Variants in BRCA2 observed in about 807,000 individuals in gnomAD.
BRCA2 encodes the protein BRCA2 DNA repair associated, also known as breast cancer type 2 susceptibility protein.
BRCA2 carries 203 observed loss-of-function variants against 276.7 expected under a neutral mutation model. The observed-to-expected ratio is 0.73, with a 90% CI of 0.65 to 0.82. BRCA2 has a LOEUF of 0.82. Among genes scored for constraint, BRCA2 ranks in the 40% least tolerant of loss-of-function variants. The pLI, the probability that BRCA2 is intolerant of heterozygous loss-of-function variation, is 0.00. For missense variants in BRCA2, 3,920 were observed against 3,915.0 expected, an observed-to-expected ratio of 1.00 and a Z score of -0.03; for synonymous variants, 1,289 against 1,338.4, an observed-to-expected ratio of 0.96 and a Z score of 0.81.
At chr13:32,324,391 G>C (rs2072328892) in intron 3 of BRCA2, among the ~76,000 whole-genome samples, 1 of 152,150 alleles carries the variant, frequency 6.6e-6, no homozygotes, top group African/African-American at 2.4e-5. Context: ...TGGGTAAAAA[G>C]TAGACTGTAA....
rs28897724 is a variant in BRCA2, at chr13:32,338,423, G to T, written c.4068G>T (p.Leu1356Phe). The T allele has an allele frequency of 6.2e-7, 1 of 1,608,236 alleles. No individual in the cohort carries two copies. Among genetic ancestry groups the T allele is most frequent in the Non-Finnish European group, 8.5e-7 (1 of 1,178,190 alleles). Residue 1356 changes from leucine (L) to phenylalanine (F), a missense_variant, in exon 11 of 27, where the codon TTG becomes TTT. Transcript: ENST00000380152. Reference sequence around the variant, plus strand: ...GTATTCATAAAGATGAAACGGACTTGCTATTTACTGATCAGCACAACATAT... The same window carrying T: ...GTATTCATAAAGATGAAACGGACTTTCTATTTACTGATCAGCACAACATAT... ...TVCIHKDETDLLFTDQHNICL... is the reference protein window; with the variant it reads ...TVCIHKDETDFLFTDQHNICL...
In BRCA2 at chr13:32,326,058, G is replaced by GT. The variant is rs1209765916; in HGVS notation, c.426-37dup. The GT allele has an allele frequency of 5.0e-5, 78 of 1,556,602 alleles. No homozygotes were observed. The highest frequency in any genetic ancestry group is 6.8e-5 in the Non-Finnish European group (77 of 1,140,248). On this transcript the variant is annotated intron_variant, in intron 4 of 26. Coordinates refer to ENST00000380152, the MANE Select transcript of BRCA2 (RefSeq NM_000059.4). ...AAATAAGATAAACTAGTTTTTGCCAGTTTTTTAAAATAACCTAAGGGATTT... is the reference window on the plus strand; with the variant it reads ...AAATAAGATAAACTAGTTTTTGCCAGTTTTTTTAAAATAACCTAAGGGATTT...
rs397507419 is a variant in BRCA2 at position 32,379,885 on chromosome 13, C to CA, written c.9097dup (p.Thr3033AsnfsTer11). Reference sequence around the variant, plus strand: ...AGAGCTAACATACAGTTAGCAGCGACAAAAAAAACTCAGTATCAACAACTA... The same window carrying CA: ...AGAGCTAACATACAGTTAGCAGCGACAAAAAAAAACTCAGTATCAACAACTA... On this transcript the variant is annotated frameshift_variant, in exon 23 of 27. Transcript: ENST00000380152. LOFTEE classifies it high-confidence loss of function. 10 of 1,612,818 alleles carry CA rather than the reference C, an allele frequency of 6.2e-6. No individual in the cohort carries two copies. The highest frequency in any genetic ancestry group is 6.8e-6 in the Non-Finnish European group (8 of 1,179,416).
intron 7 of BRCA2, among the ~76,000 whole-genome samples, chr13:32,328,485 G>A (rs574427916): frequency 2.6e-5 from 4 of 151,962 alleles, no homozygotes; most frequent in African/African-American, 9.6e-5. Flanking sequence ...CAAGTGATTC[G>A]TTTGTCTCAG....
intron 21 of BRCA2, among the ~76,000 whole-genome samples, chr13:32,377,212 A>G (rs998040984): frequency 5.3e-5 from 8 of 152,196 alleles, no homozygotes; most frequent in Non-Finnish European, 7.3e-5. Context: ...GTACTTGGGT[A>G]GAAATGTTTC....
chr13:32,336,121 C>A, intron 10 of BRCA2, 144 bp from the exon 11 acceptor site: 1 of 864,456 alleles, frequency 1.2e-6, no homozygotes, highest in Non-Finnish European at 1.8e-6. Context: ...CTCAAGCAGT[C>A]TTCCTGCCTC....
At chr13:32,395,960 CTTT>C (rs397838402) in intron 25 of BRCA2, 492 of 78,716 alleles carry the variant, frequency 6.3e-3, no homozygotes, top group South Asian at 0.012. Flanking sequence ...TTCTTTCTTT[CTTT>C]TTTTTTTTTT....
At position 32,336,332 on chromosome 13, in the gene BRCA2, A is replaced by T. The variant is rs1555282381; in HGVS notation, c.1977A>T (p.Leu659Phe). The T allele has an allele frequency of 6.2e-7, 1 of 1,605,270 alleles. No homozygotes were observed. The highest frequency in any genetic ancestry group is 8.5e-7 in the Non-Finnish European group (1 of 1,176,028). Residue 659 changes from leucine (L) to phenylalanine (F), a missense_variant, in exon 11 of 27, where the codon TTA becomes TTT. Transcript: ENST00000380152. ...ATTCTGAAGAACCAACTTTGTCCTT[A>T]ACTAGCTCTTTTGGGACAATTCTGA... Reference protein sequence around the residue: ...QNDSEEPTLSLTSSFGTILRK... With the variant: ...QNDSEEPTLSFTSSFGTILRK...
intron 14 of BRCA2, among the ~76,000 whole-genome samples, chr13:32,355,646 G>A (rs193020640): frequency 2.6e-3 from 394 of 152,166 alleles, no homozygotes; most frequent in Non-Finnish European, 4.6e-3. Flanking sequence ...CGGATCACCT[G>A]AGGTCAGGAG....
rs201483108 is a variant in BRCA2, at chr13:32,363,217, T to C, written c.8015T>C (p.Ile2672Thr). 6.2e-7 allele frequency: 1 copy of C among 1,613,942 alleles called. No individual in the cohort carries two copies. The highest frequency in any genetic ancestry group is 1.3e-5 in the African/African-American group (1 of 75,030). ...TEIDRSRRSA[I>T]KKIMERDDTA... ...ATTGATAGAAGCAGAAGATCGGCTA[T>C]AAAAAAGATAATGGAAAGGGATGAC... The change falls in exon 18 of 27, where the codon ATA becomes ACA. Residue 2672 changes from isoleucine to threonine, a missense_variant. Physicochemically the swap from Ile to Thr is moderately conservative, Grantham distance 89. Transcript: ENST00000380152.
chr13:32,350,722 CA>C (rs2137547511), intron 13 of BRCA2, among the ~76,000 whole-genome samples: 1 of 151,718 alleles, frequency 6.6e-6, no homozygotes, highest in South Asian at 2.1e-4. Context: ...CACTGCACTC[CA>C]GCCTGGGCGA....
intron 11 of BRCA2, among the ~76,000 whole-genome samples, chr13:32,341,625 G>A (rs533866598): frequency 2.8e-4 from 42 of 152,244 alleles, no homozygotes; most frequent in African/African-American, 9.1e-4. Context: ...GTTGGTTTCC[G>A]GGAGGCCGAG....
Position 32,316,836 on chromosome 13 carries a change from T to C in BRCA2, c.67+309T>C, listed in dbSNP as rs2072265439. Among the ~76,000 whole-genome samples, 3 of 152,226 alleles carry C rather than the reference T, an allele frequency of 2.0e-5. No homozygotes were observed. The South Asian group carries it at 6.2e-4, about 31-fold the overall frequency. On this transcript the variant is annotated intron_variant, in intron 2 of 26. Transcript: ENST00000380152. ...TTTTTGGTTTCAGTACTCCTTATAC[T>C]CTTAAAAATGATCTAGGACCCCCGG...
chr13:32,326,139 G>T lies in BRCA2; in HGVS notation c.464G>T (p.Arg155Ile), dbSNP rs377639990. ...CAATGTACACATGTAACACCACAAA[G>T]AGATAAGTCAGGTATGATTAAAAAC... ...VLQCTHVTPQ[R>I]DKSVVCGSLF... is the part of the protein sequence containing the mutation. Residue 155 changes from arginine (R) to isoleucine (I), a missense_variant, in exon 5 of 27, where the codon AGA (arginine) becomes ATA (isoleucine). By Grantham distance (97) the Arg-to-Ile change is moderately conservative. Transcript: ENST00000380152. 2.5e-6 allele frequency: 4 copies of T among 1,609,366 alleles called. No individual in the cohort carries two copies. The highest frequency in any genetic ancestry group is 3.4e-6 in the Non-Finnish European group (4 of 1,176,888).
chr13:32,364,869 C>T (rs2137585344), intron 18 of BRCA2, among the ~76,000 whole-genome samples: 1 of 152,214 alleles, frequency 6.6e-6, no homozygotes. Flanking sequence ...TTATTCTTAC[C>T]TCTTTTCTGT....
chr13:32,351,670 T>C (rs1455992250), intron 13 of BRCA2, among the ~76,000 whole-genome samples: 1 of 152,180 alleles, frequency 6.6e-6, no homozygotes, highest in Non-Finnish European at 1.5e-5. Context: ...AACATGTCAC[T>C]TAGACATATA....
intron 11 of BRCA2, among the ~76,000 whole-genome samples, chr13:32,342,270 CAAAAA>C (rs58295304): frequency 2.2e-5 from 3 of 133,628 alleles, no homozygotes; most frequent in African/African-American, 2.8e-5. Context: ...GAGACTGTCT[CAAAAA>C]AAAAAAAAAA....
chr13:32,371,974 G>A (rs2072837749), intron 20 of BRCA2, among the ~76,000 whole-genome samples: 1 of 152,240 alleles, frequency 6.6e-6, no homozygotes, highest in Non-Finnish European at 1.5e-5. Flanking sequence ...TGCTGGTGGA[G>A]GATCTTTCCT....
chr13:32,319,440 C>G (rs1384843356), intron 3 of BRCA2, 115 bp downstream of exon 3: 12 of 1,080,464 alleles, frequency 1.1e-5, no homozygotes, highest in African/African-American at 1.6e-5. Context: ...ATCAGTCTCT[C>G]TGGCCTCTTT....
Sources: allele counts gnomAD v4.1 joint callset (sites outside exome capture counted in the v4.1 genomes callset), GRCh38; gene constraint gnomAD v4.1.1; transcripts MANE v1.5; gene names NCBI Gene and HGNC (gene_info 2026-07-23, HGNC 2026-07-21).